Variants in KLRG1 observed in about 807,000 individuals in gnomAD.
KLRG1 encodes killer cell lectin-like receptor subfamily G member 1.
Under a neutral mutation model 21.8 loss-of-function variants are expected in KLRG1, and 16 were observed. The observed-to-expected ratio is 0.73, with a 90% CI of 0.50 to 1.11. KLRG1 has a LOEUF of 1.11. KLRG1 is among the 50% of genes most tolerant of loss of function. The pLI is 0.00. For missense variants in KLRG1, 173 were observed against 218.3 expected, an observed-to-expected ratio of 0.79 and a Z score of 1.31; for synonymous variants, 69 against 75.9, an observed-to-expected ratio of 0.91 and a Z score of 0.47.
At chr12:9,137,432 G>C in the KLRG1 span, among the ~76,000 whole-genome samples, 1 of 151,990 alleles carries the variant, frequency 6.6e-6, no homozygotes, top group Non-Finnish European at 1.5e-5. Context: ...CTGTGGTTTT[G>C]TACTAAATTT....
chr12:9,210,002 A>C, the KLRG1 span, among the ~76,000 whole-genome samples: 1 of 152,270 alleles, frequency 6.6e-6, no homozygotes, highest in East Asian at 1.9e-4. Context: ...AGTTTTCAAC[A>C]TTACAAATAA....
the KLRG1 span, chr12:9,152,375 CAAGCATCACTTT>C: frequency 2.5e-6 from 3 of 1,180,282 alleles, no homozygotes; most frequent in African/African-American, 4.5e-5. Context: ...TTTCTGCTTT[CAAGCATCACTTT>C]AAGCCTGTCT....
At chr12:8,961,803 A>G (rs1946386386) in intron 1 of KLRG1, among the ~76,000 whole-genome samples, 1 of 152,166 alleles carries the variant, frequency 6.6e-6, no homozygotes, top group South Asian at 2.1e-4. Context: ...ATTGCCACAC[A>G]AGCCAGGTGT....
the KLRG1 span, chr12:9,113,557 G>C: frequency 6.2e-7 from 1 of 1,608,656 alleles, no homozygotes. Flanking sequence ...GGAATGAGAC[G>C]GTTCAGTTAG....
the KLRG1 span, among the ~76,000 whole-genome samples, chr12:9,114,725 A>G: frequency 1.3e-4 from 13 of 99,206 alleles, no homozygotes; most frequent in Admixed American, 6.5e-4. Context: ...ATATGAATAC[A>G]TATACATAAA....
intron 1 of KLRG1, among the ~76,000 whole-genome samples, chr12:8,983,546 G>A (rs1946793806): frequency 2.0e-5 from 3 of 151,554 alleles, no homozygotes; most frequent in Middle Eastern, 3.4e-3. Context: ...GATTACAGGC[G>A]CCTGCCACCA....
chr12:9,116,170 C>G, the KLRG1 span: 1 of 350,478 alleles, frequency 2.9e-6, no homozygotes. Context: ...CCTCTTCTCT[C>G]CCTCACTCCC....
the KLRG1 span, among the ~76,000 whole-genome samples, chr12:9,136,171 G>A: frequency 6.6e-6 from 1 of 152,160 alleles, no homozygotes; most frequent in African/African-American, 2.4e-5. Context: ...CATGGCAACG[G>A]GTTTTTAAAA....
chr12:8,961,204 C>A (rs1201479671), intron 1 of KLRG1, among the ~76,000 whole-genome samples: 1 of 152,202 alleles, frequency 6.6e-6, no homozygotes, highest in Non-Finnish European at 1.5e-5. Context: ...TTGCTTGCTA[C>A]ACTGTAAATA....
chr12:9,072,842 G>A, the KLRG1 span: 1 of 1,613,900 alleles, frequency 6.2e-7, no homozygotes, highest in Non-Finnish European at 8.5e-7. Context: ...CTCCATATTT[G>A]GACAGAGCAT....
the KLRG1 span, among the ~76,000 whole-genome samples, chr12:9,063,117 G>T: frequency 6.6e-6 from 1 of 152,122 alleles, no homozygotes; most frequent in Non-Finnish European, 1.5e-5. Flanking sequence ...TGATCCTCCT[G>T]CCTTGGCCTC....
At chr12:8,962,718 A>C (rs28755908) in intron 1 of KLRG1, among the ~76,000 whole-genome samples, 288 of 63,302 alleles carry the variant, frequency 4.5e-3, no homozygotes, top group Non-Finnish European at 7.3e-3. Context: ...CCTGTTTCCC[A>C]AAAAAAAAAA....
chr12:9,163,537 A>G, the KLRG1 span: 1 of 1,062,080 alleles, frequency 9.4e-7, no homozygotes, highest in Non-Finnish European at 1.3e-6. Flanking sequence ...CAATGCTTTT[A>G]GGGCAGGAAA....
chr12:9,101,554 G>T, the KLRG1 span: 1 of 1,613,972 alleles, frequency 6.2e-7, no homozygotes, highest in Non-Finnish European at 8.5e-7. Flanking sequence ...TGAGACATGG[G>T]CTCAAGGTGG....
chr12:8,990,817 T>C (rs891369880), intron 1 of KLRG1, among the ~76,000 whole-genome samples: 2 of 152,198 alleles, frequency 1.3e-5, no homozygotes, highest in African/African-American at 4.8e-5. Context: ...AATTCAATTA[T>C]GGTTTGATAC....
chr12:8,972,261 C>T (rs899406328), intron 1 of KLRG1, among the ~76,000 whole-genome samples: 2 of 152,102 alleles, frequency 1.3e-5, no homozygotes, highest in African/African-American at 4.8e-5. Flanking sequence ...GGGTTCACAC[C>T]ATTCTCCTGC....
the KLRG1 span, chr12:9,106,720 A>C: frequency 6.0e-6 from 3 of 500,196 alleles, no homozygotes; most frequent in African/African-American, 8.2e-5. Flanking sequence ...GGCATTTTCT[A>C]TGACGAGGAC....
At chr12:9,109,770 A>G in the KLRG1 span, 1 of 1,228,124 alleles carries the variant, frequency 8.1e-7, no homozygotes, top group Non-Finnish European at 1.1e-6. Flanking sequence ...AATGTCACCC[A>G]TGGGAAATGG....
chr12:9,017,599 A>G, the KLRG1 span, among the ~76,000 whole-genome samples: 1 of 152,224 alleles, frequency 6.6e-6, no homozygotes, highest in African/African-American at 2.4e-5. Flanking sequence ...AATTGGGTAT[A>G]CAAAGACATA....
Sources: allele counts gnomAD v4.1 joint callset (sites outside exome capture counted in the v4.1 genomes callset), GRCh38; gene constraint gnomAD v4.1.1; transcripts MANE v1.5; gene names NCBI Gene and HGNC (gene_info 2026-07-23, HGNC 2026-07-21).